The following FARS2 variants were observed in gnomAD, a reference collection of about 807,000 sequenced individuals.
FARS2 encodes phenylalanyl-tRNA synthetase 2, mitochondrial, also known as phenylalanine--tRNA ligase, mitochondrial.
FARS2 carries 40 observed loss-of-function variants against 46.4 expected under a neutral mutation model. The observed-to-expected ratio is 0.86, with a 90% CI of 0.67 to 1.12. The LOEUF (loss-of-function observed/expected upper bound fraction) is 1.12. Among genes scored for constraint, FARS2 ranks in the 50% most tolerant of loss-of-function variants. The pLI, the probability that FARS2 is intolerant of heterozygous loss-of-function variation, is 0.00. For synonymous variants in FARS2, 234 were observed against 214.9 expected (o/e 1.09, Z -0.78); for missense variants, 513 against 567.9 (o/e 0.90, Z 0.98).
chr6:5,531,445 G>T (rs1343131083), intron 4 of FARS2, among the ~76,000 whole-genome samples: 7 of 152,210 alleles, frequency 4.6e-5, no homozygotes, highest in Non-Finnish European at 1.0e-4. Flanking sequence ...ACTCAGGAAG[G>T]AAAGGGGATG....
chr6:5,697,034 T>C (rs1198046519), intron 6 of FARS2, among the ~76,000 whole-genome samples: 1 of 152,224 alleles, frequency 6.6e-6, no homozygotes, highest in Non-Finnish European at 1.5e-5. Flanking sequence ...GAAAATAGTT[T>C]TTTTGGAAAG....
chr6:5,709,697 T>C (rs115742950), intron 6 of FARS2, among the ~76,000 whole-genome samples: 3,082 of 91,450 alleles, frequency 0.034, 52 homozygotes, highest in Middle Eastern at 0.065. Context: ...TGTGTGTGTG[T>C]GCGCATGCAC....
At chr6:5,484,082 A>G (rs768623251) in intron 4 of FARS2, among the ~76,000 whole-genome samples, 2 of 152,192 alleles carry the variant, frequency 1.3e-5, no homozygotes, top group African/African-American at 2.4e-5. Flanking sequence ...CACCCTGGGC[A>G]ACAGAATGAG....
At chr6:5,389,464 C>G (rs959379889) in intron 2 of FARS2, among the ~76,000 whole-genome samples, 1 of 152,144 alleles carries the variant, frequency 6.6e-6, no homozygotes, top group African/African-American at 2.4e-5. Flanking sequence ...GCTGCATTAC[C>G]TAGCAAGATT....
chr6:5,500,681 A>C (rs1202681287), intron 4 of FARS2, among the ~76,000 whole-genome samples: 1 of 152,194 alleles, frequency 6.6e-6, no homozygotes, highest in Non-Finnish European at 1.5e-5. Flanking sequence ...TTAATTGCTA[A>C]GGGAGTCAGA....
At chr6:5,304,253 C>G (rs1768533743) in intron 1 of FARS2, among the ~76,000 whole-genome samples, 1 of 152,064 alleles carries the variant, frequency 6.6e-6, no homozygotes, top group South Asian at 2.1e-4. Context: ...TGTGCGTTTC[C>G]CCTTATCACT....
chr6:5,589,204 C>T (rs1275101353), intron 5 of FARS2, among the ~76,000 whole-genome samples: 1 of 152,122 alleles, frequency 6.6e-6, no homozygotes, highest in Non-Finnish European at 1.5e-5. Flanking sequence ...TCCTAGGTCC[C>T]CCAACCCCAG....
intron 4 of FARS2, among the ~76,000 whole-genome samples, chr6:5,530,001 G>A (rs528923671): frequency 1.3e-5 from 2 of 152,352 alleles, no homozygotes; most frequent in Non-Finnish European, 2.9e-5. Context: ...CCAGCTGAGA[G>A]CTGAAGAACT....
chr6:5,254,666 C>T, the FARS2 span, among the ~76,000 whole-genome samples: 1 of 152,110 alleles, frequency 6.6e-6, no homozygotes, highest in Non-Finnish European at 1.5e-5. Flanking sequence ...TCCCGCTTAA[C>T]CCAGAAACTG....
chr6:5,701,550 G>A (rs111453071), intron 6 of FARS2, among the ~76,000 whole-genome samples: 8 of 152,244 alleles, frequency 5.3e-5, no homozygotes, highest in Non-Finnish European at 1.0e-4. Flanking sequence ...GTACTGAAAC[G>A]TCAGAAGCCA....
chr6:5,538,533 G>A (rs1254180446), intron 4 of FARS2, among the ~76,000 whole-genome samples: 1 of 152,126 alleles, frequency 6.6e-6, no homozygotes, highest in Non-Finnish European at 1.5e-5. Flanking sequence ...GTAGCACATG[G>A]CATCCTTAAA....
chr6:5,512,354 G>A (rs1196165129), intron 4 of FARS2, among the ~76,000 whole-genome samples: 2 of 151,892 alleles, frequency 1.3e-5, no homozygotes, highest in East Asian at 1.9e-4. Context: ...TCAATCAATA[G>A]CAGCCAAATT....
At chr6:5,319,571 G>A (rs942974182) in intron 1 of FARS2, among the ~76,000 whole-genome samples, 3 of 152,276 alleles carry the variant, frequency 2.0e-5, no homozygotes, top group Admixed American at 6.5e-5. Flanking sequence ...TGGATCTCTC[G>A]AGTTGCCTAC....
At chr6:5,753,122 G>A (rs979300229) in intron 6 of FARS2, among the ~76,000 whole-genome samples, 7 of 152,118 alleles carry the variant, frequency 4.6e-5, no homozygotes, top group African/African-American at 1.4e-4. Context: ...AAATCCCTTC[G>A]TTCTTGATTT....
intron 5 of FARS2, among the ~76,000 whole-genome samples, chr6:5,571,318 T>G (rs1772632629): frequency 6.6e-6 from 1 of 152,264 alleles, no homozygotes; most frequent in Admixed American, 6.5e-5. Flanking sequence ...TTCTGTGACA[T>G]ACGGGTGTAA....
intron 1 of FARS2, among the ~76,000 whole-genome samples, chr6:5,289,914 C>A (rs1482174485): frequency 6.6e-6 from 1 of 152,144 alleles, no homozygotes; most frequent in Non-Finnish European, 1.5e-5. Context: ...GCCTCCAAAC[C>A]CTATTCTCCT....
chr6:5,771,369 C>T lies in FARS2; in HGVS notation c.1296C>T (p.His432=), dbSNP rs1261704455. The T allele has an allele frequency of 1.2e-6, 2 of 1,614,252 alleles. No individual in the cohort carries two copies. The highest frequency in any genetic ancestry group is 1.7e-5 in the Admixed American group (1 of 60,036). ...CTCTGTCCCAGAGAGAGGTCAGGCA[C>T]ATCCACCAGGCCTTGCAGGAGGCTG... ...ERTLSQREVR[H]IHQALQEAAV... is the part of the protein sequence containing the mutation. The change falls in exon 7 of 7, where the codon CAC becomes CAT. Residue 432 remains histidine, a synonymous_variant. Transcript: ENST00000274680.
intron 5 of FARS2, among the ~76,000 whole-genome samples, chr6:5,598,572 AT>A (rs1465243182): frequency 2.6e-5 from 4 of 152,190 alleles, no homozygotes; most frequent in Non-Finnish European, 4.4e-5. Context: ...TTCCCTGGGT[AT>A]TTCTGTCACC....
At chr6:5,726,112 A>G (rs1300356992) in intron 6 of FARS2, among the ~76,000 whole-genome samples, 1 of 151,972 alleles carries the variant, frequency 6.6e-6, no homozygotes, top group Non-Finnish European at 1.5e-5. Context: ...TCAAAACGGC[A>G]CCTGCACTGT....
Sources: gnomAD v4.1 joint callset for allele counts (sites outside exome capture counted in the v4.1 genomes callset) on GRCh38, gnomAD v4.1.1 for gene constraint, MANE v1.5 for transcripts, NCBI Gene and HGNC (gene_info 2026-07-23, HGNC 2026-07-21) for gene names.